Variants in NELL1 observed in about 807,000 individuals in gnomAD.
NELL1 encodes the protein neural EGFL like 1, also known as protein kinase C-binding protein NELL1.
A neutral mutation model predicts 107.4 loss-of-function variants in NELL1; 76 were observed. The ratio of observed to expected loss-of-function variants is 0.71; its 90% CI spans 0.59 to 0.86. The LOEUF (loss-of-function observed/expected upper bound fraction) is 0.86. NELL1 is among the 40% of genes least tolerant of loss of function. The pLI, the probability that NELL1 is intolerant of heterozygous loss-of-function variation, is 0.00. For synonymous variants in NELL1, 353 were observed against 341.2 expected, an observed-to-expected ratio of 1.03 and a Z score of -0.38; for missense variants, 1,024 against 1,005.5, an observed-to-expected ratio of 1.02 and a Z score of -0.25.
intron 3 of NELL1, among the ~76,000 whole-genome samples, chr11:20,838,609 G>A (rs572323340): frequency 2.6e-5 from 4 of 152,128 alleles, no homozygotes; most frequent in Non-Finnish European, 4.4e-5. Context: ...CTGGGTACAG[G>A]ATGGGAGGGA....
chr11:21,394,622 G>T (rs577954442), intron 15 of NELL1, among the ~76,000 whole-genome samples: 8 of 151,426 alleles, frequency 5.3e-5, no homozygotes, highest in African/African-American at 1.9e-4. Context: ...ATCTTAAGGA[G>T]GTGTGTATTG....
intron 3 of NELL1, among the ~76,000 whole-genome samples, chr11:20,827,393 A>G (rs1464361707): frequency 6.6e-6 from 1 of 151,276 alleles, no homozygotes; most frequent in African/African-American, 2.4e-5. Context: ...TTTCTCATTG[A>G]CGGTTTTAGC....
chr11:21,090,293 T>C (rs1854492110), intron 12 of NELL1, among the ~76,000 whole-genome samples: 1 of 152,168 alleles, frequency 6.6e-6, no homozygotes, highest in African/African-American at 2.4e-5. Flanking sequence ...CACAAAATTA[T>C]GGTTAACACT....
intron 15 of NELL1, among the ~76,000 whole-genome samples, chr11:21,460,184 T>C (rs1412538380): frequency 6.6e-6 from 1 of 151,436 alleles, no homozygotes; most frequent in Non-Finnish European, 1.5e-5. Flanking sequence ...CAAAAGAACA[T>C]GATGGGAAAA....
intron 2 of NELL1, among the ~76,000 whole-genome samples, chr11:20,722,215 T>C (rs1194201454): frequency 1.3e-5 from 2 of 152,000 alleles, no homozygotes; most frequent in African/African-American, 2.4e-5. Context: ...GAGACGTGAT[T>C]TTGCTGTGTT....
chr11:21,537,986 C>CCTGA (rs1195343558), intron 16 of NELL1, among the ~76,000 whole-genome samples: 51 of 152,246 alleles, frequency 3.3e-4, no homozygotes, highest in Non-Finnish European at 4.0e-4. Context: ...GGATTAATGA[C>CCTGA]CTGACGTACT....
At chr11:21,255,020 A>G (rs1858734052) in intron 14 of NELL1, among the ~76,000 whole-genome samples, 1 of 152,094 alleles carries the variant, frequency 6.6e-6, no homozygotes, top group Admixed American at 6.6e-5. Flanking sequence ...GGCTAGGATG[A>G]GCTAATTTAC....
intron 15 of NELL1, among the ~76,000 whole-genome samples, chr11:21,490,384 A>G (rs537326394): frequency 1.3e-5 from 2 of 151,726 alleles, no homozygotes; most frequent in South Asian, 2.1e-4. Flanking sequence ...TACAGATTCA[A>G]TTCAATCCCT....
chr11:20,738,410 C>T (rs1369874410), intron 2 of NELL1, among the ~76,000 whole-genome samples: 2 of 152,100 alleles, frequency 1.3e-5, no homozygotes, highest in African/African-American at 4.8e-5. Flanking sequence ...ACAGGGAGTG[C>T]AGATGATGGG....
intron 13 of NELL1, among the ~76,000 whole-genome samples, chr11:21,167,815 G>T (rs1357023999): frequency 6.6e-6 from 1 of 151,660 alleles, no homozygotes; most frequent in Non-Finnish European, 1.5e-5. Flanking sequence ...CACATGGCTA[G>T]CTCTTTCTTT....
In NELL1 at chr11:21,548,098, C is replaced by A. The variant is rs1856488423; in HGVS notation, c.1787-12091C>A. Among the ~76,000 whole-genome samples the A allele has an allele frequency of 2.6e-5, 4 of 151,718 alleles. No individual in the cohort carries two copies. In the South Asian group the frequency reaches 8.3e-4, roughly 32 times the overall value. On this transcript the variant is annotated intron_variant, in intron 16 of 19. Coordinates refer to ENST00000357134, the MANE Select transcript of NELL1 (RefSeq NM_006157.5). ...ATTTAGCTTCTCTTTGAGGAAGAGA[C>A]CATGGCAGAGCAAACAGTATGGTGC... is the stretch of plus-strand genomic sequence containing the variant.
At chr11:21,540,136 A>G (rs928641848) in intron 16 of NELL1, among the ~76,000 whole-genome samples, 7 of 152,120 alleles carry the variant, frequency 4.6e-5, no homozygotes, top group African/African-American at 1.7e-4. Flanking sequence ...AAGTCAGGGT[A>G]TTTGAGGTGT....
intron 12 of NELL1, among the ~76,000 whole-genome samples, chr11:21,014,855 C>T (rs1852529235): frequency 6.6e-6 from 1 of 151,986 alleles, no homozygotes; most frequent in African/African-American, 2.4e-5. Flanking sequence ...GTCTCCCTGC[C>T]CTTGTTGTGG....
intron 1 of NELL1, among the ~76,000 whole-genome samples, chr11:20,677,200 T>A (rs949934726): frequency 6.6e-6 from 1 of 152,176 alleles, no homozygotes; most frequent in African/African-American, 2.4e-5. Context: ...TCCTGGCCAG[T>A]CCCTCTGCCA....
intron 16 of NELL1, among the ~76,000 whole-genome samples, chr11:21,537,841 C>T (rs1856175981): frequency 1.3e-5 from 2 of 151,864 alleles, no homozygotes; most frequent in Admixed American, 6.6e-5. Flanking sequence ...TGGTGCATGA[C>T]ATGAGATGTT....
chr11:20,839,356 G>T (rs141194926), intron 3 of NELL1, among the ~76,000 whole-genome samples: 1 of 152,292 alleles, frequency 6.6e-6, no homozygotes, highest in East Asian at 1.9e-4. Flanking sequence ...TAAGAGGATT[G>T]AGTACAGAAC....
At chr11:21,411,738 G>A (rs1265213190) in intron 15 of NELL1, among the ~76,000 whole-genome samples, 2 of 152,082 alleles carry the variant, frequency 1.3e-5, no homozygotes, top group African/African-American at 4.8e-5. Context: ...AATGAGGTAT[G>A]ATTCAGGTGA....
At chr11:20,948,746 T>G (rs1428122211) in intron 11 of NELL1, among the ~76,000 whole-genome samples, 1 of 135,916 alleles carries the variant, frequency 7.4e-6, no homozygotes, top group Non-Finnish European at 1.5e-5. Flanking sequence ...TAGGAGATCC[T>G]AGGATTTGTT....
intron 2 of NELL1, among the ~76,000 whole-genome samples, chr11:20,759,724 G>T (rs117087845): frequency 0.015 from 2,248 of 152,314 alleles, 28 homozygotes; most frequent in Admixed American, 0.023. Context: ...CCTCTGTCCA[G>T]GGTGCTGCGC....
Sources: allele counts gnomAD v4.1 joint callset (sites outside exome capture counted in the v4.1 genomes callset), GRCh38; gene constraint gnomAD v4.1.1; transcripts MANE v1.5; gene names NCBI Gene and HGNC (gene_info 2026-07-23, HGNC 2026-07-21).